Variants in ZNF236 observed in about 807,000 individuals in gnomAD.
The protein encoded by ZNF236 is zinc finger protein 236, also known as regulated by glucose.
Under a neutral mutation model 191.2 loss-of-function variants are expected in ZNF236, and 50 were observed. The ratio of observed to expected loss-of-function variants is 0.26; its 90% CI spans 0.21 to 0.33. The LOEUF is 0.33. Ranked by LOEUF, ZNF236 falls within the 10% of genes least tolerant of loss-of-function variation. The probability of loss-of-function intolerance (pLI) is 1.00; values close to 1 mark genes in which losing one functional copy is unlikely to be tolerated. For synonymous variants in ZNF236, 907 were observed against 928.8 expected (o/e 0.98, Z 0.43); for missense variants, 1,754 against 2,374.5 (o/e 0.74, Z 5.43).
At chr18:76,910,028 C>T (rs368465578) in intron 14 of ZNF236, 40 bp from the exon 15 acceptor site, 18 of 1,501,886 alleles carry the variant, frequency 1.2e-5, no homozygotes, top group Non-Finnish European at 1.6e-5. Context: ...GAAATAACTT[C>T]CAAATGTATG....
rs1599376351 is a variant in ZNF236 at position 76,899,190 on chromosome 18, C to A, written c.1862C>A (p.Pro621His). ...GKTNIPVPDIPLQEPILITDL... is the reference protein window; with the variant it reads ...GKTNIPVPDIHLQEPILITDL... ...ACGAATATTCCAGTCCCTGATATTC[C>A]TTTGCAGGAACCAATCCTCATAACT... The change falls in exon 11 of 31, where the codon CCT becomes CAT. Residue 621 changes from proline (P) to histidine (H), a missense_variant. By Grantham distance (77) the Pro-to-His change is moderately conservative. This residue lies in a region of ZNF236 where 641 missense variants were observed against 869.6 expected (regional missense o/e 0.74). Transcript: ENST00000320610. The A allele has an allele frequency of 6.2e-7, 1 of 1,614,050 alleles. No individual in the cohort carries two copies. Among genetic ancestry groups the A allele is most frequent in the Non-Finnish European group, 8.5e-7 (1 of 1,179,936 alleles).
chr18:76,842,872 AT>A (rs2122467665), intron 1 of ZNF236, among the ~76,000 whole-genome samples: 1 of 152,340 alleles, frequency 6.6e-6, no homozygotes, highest in East Asian at 1.9e-4. Flanking sequence ...TTATGAGTAA[AT>A]ACATTTGAAT....
In ZNF236 at chr18:76,868,927, G is replaced by T. The variant is rs983626540; in HGVS notation, c.542+64G>T. On this transcript the variant is annotated intron_variant, in intron 4 of 30. Transcript: ENST00000320610. ...AATATGTTAAAAGCTGGCGCACTTT[G>T]GTACGACCCACTGGAAATATTTGCT... 49 of 1,460,456 alleles carry T rather than the reference G, an allele frequency of 3.4e-5. No individual in the cohort carries two copies. In the African/African-American group the frequency reaches 6.8e-4, roughly 20 times the overall value. 90.5% of individuals were successfully genotyped at this position (1,460,456 alleles called of 1,614,324 possible).
At chr18:76,870,976 T>A (rs1976568469) in intron 4 of ZNF236, among the ~76,000 whole-genome samples, 1 of 151,992 alleles carries the variant, frequency 6.6e-6, no homozygotes, top group Non-Finnish European at 1.5e-5. Flanking sequence ...CAGGGAGACC[T>A]TTTTGGAGGC....
At chr18:76,961,071 A>G (rs1968654902) in intron 30 of ZNF236, among the ~76,000 whole-genome samples, 1 of 152,210 alleles carries the variant, frequency 6.6e-6, no homozygotes, top group South Asian at 2.1e-4. Context: ...TAAGTTCTGT[A>G]GTGGTGATTT....
intron 6 of ZNF236, 35 bp from the exon 7 acceptor site, chr18:76,877,974 G>A (rs1599356941): frequency 6.7e-7 from 1 of 1,481,742 alleles, no homozygotes; most frequent in South Asian, 1.3e-5. Context: ...ACAATTAATT[G>A]TAAAACATCA....
chr18:76,946,144 C>A (rs943673397), intron 26 of ZNF236, among the ~76,000 whole-genome samples: 1 of 152,160 alleles, frequency 6.6e-6, no homozygotes, highest in Admixed American at 6.5e-5. Context: ...TGGGAGAAAC[C>A]TGGTGGGAGG....
At chr18:76,924,452 T>C (rs890791768) in intron 21 of ZNF236, among the ~76,000 whole-genome samples, 2 of 152,164 alleles carry the variant, frequency 1.3e-5, no homozygotes, top group Non-Finnish European at 2.9e-5. Flanking sequence ...CAGGGCGGCG[T>C]TGGGATAGCA....
In ZNF236 at chr18:76,914,457, A is replaced by G. The variant is rs1305302557; in HGVS notation, c.3061+559A>G. On this transcript the variant is annotated intron_variant, in intron 18 of 30. Coordinates refer to ENST00000320610, the MANE Select transcript of ZNF236 (RefSeq NM_001306089.2). ...GAGTGGAATTGTTTGGTCATATGTT[A>G]ACTCTGTTAAAACATTTGTTTTCCA... Among the ~76,000 whole-genome samples, 3 of 152,172 alleles carry G rather than the reference A, an allele frequency of 2.0e-5. No homozygotes were observed. In the East Asian group the frequency reaches 5.8e-4, roughly 29 times the overall value.
chr18:76,908,641 C>T, intron 14 of ZNF236, 68 bp downstream of exon 14: 1 of 1,540,336 alleles, frequency 6.5e-7, no homozygotes, highest in South Asian at 1.2e-5. Context: ...CCACTCATTG[C>T]AGTCCATTGG....
chr18:76,832,261 A>G (rs1354262014), intron 1 of ZNF236, among the ~76,000 whole-genome samples: 1 of 151,994 alleles, frequency 6.6e-6, no homozygotes, highest in African/African-American at 2.4e-5. Flanking sequence ...TTGTATTTTC[A>G]GTAGGGATGG....
intron 25 of ZNF236, among the ~76,000 whole-genome samples, chr18:76,930,475 A>G (rs1967816444): frequency 6.6e-6 from 1 of 152,210 alleles, no homozygotes; most frequent in Non-Finnish European, 1.5e-5. Context: ...ATTCATTTCT[A>G]GTTGCCATAC....
chr18:76,960,660 T>A lies in ZNF236; in HGVS notation c.5243-19T>A. On this transcript the variant is annotated intron_variant, in intron 29 of 30. Coordinates refer to ENST00000320610, the MANE Select transcript of ZNF236 (RefSeq NM_001306089.2). This position sits in a 1 kb window ranked among gnomAD's most constrained non-coding sequence, Gnocchi z 4.4. ...TATACTTTTCTTAGAGACATTGACATATGCCATTTTCTGTACAGGGGAGCG... is the reference window on the plus strand; with the variant it reads ...TATACTTTTCTTAGAGACATTGACAAATGCCATTTTCTGTACAGGGGAGCG... 1 of 1,614,132 alleles carries A rather than the reference T, an allele frequency of 6.2e-7. No individual in the cohort carries two copies.
intron 27 of ZNF236, among the ~76,000 whole-genome samples, chr18:76,955,698 C>T (rs750169134): frequency 6.6e-6 from 1 of 152,180 alleles, no homozygotes; most frequent in Non-Finnish European, 1.5e-5. Context: ...CAGAGTAGCC[C>T]GGATAGTCAC....
Position 76,925,627 on chromosome 18 carries a change from C to T in ZNF236, c.4027+73C>T, listed in dbSNP as rs1019485240. ...TCTGTGCTGCTTCTGTCTGTTCCCA[C>T]GACAGAAGAGATGTTGTTTACCGTA... On this transcript the variant is annotated intron_variant, in intron 22 of 30. Transcript: ENST00000320610. This position sits in a 1 kb window ranked among gnomAD's most constrained non-coding sequence, Gnocchi z 5.7. 7.7e-5 allele frequency: 118 copies of T among 1,526,466 alleles called. No homozygotes were observed. Among genetic ancestry groups the T allele is most frequent in the Middle Eastern group, 1.7e-4 (1 of 5,732 alleles). 94.6% of individuals were successfully genotyped at this position (1,526,466 alleles called of 1,614,324 possible).
chr18:76,964,553 G>A (rs145823721), intron 30 of ZNF236, among the ~76,000 whole-genome samples: 1 of 152,306 alleles, frequency 6.6e-6, no homozygotes, highest in Non-Finnish European at 1.5e-5. Context: ...TGGATGGAAT[G>A]TTAGGTATAT....
At chr18:76,848,974 T>C (rs1213292651) in intron 1 of ZNF236, among the ~76,000 whole-genome samples, 2 of 152,246 alleles carry the variant, frequency 1.3e-5, no homozygotes, top group Non-Finnish European at 2.9e-5. Context: ...TCTTTTTTAC[T>C]TAATCTTGTT....
intron 9 of ZNF236, among the ~76,000 whole-genome samples, chr18:76,889,121 A>G (rs1182684331): frequency 6.6e-6 from 1 of 152,138 alleles, no homozygotes; most frequent in East Asian, 1.9e-4. Flanking sequence ...TCTGGGACTC[A>G]CCTTCACACC....
intron 27 of ZNF236, among the ~76,000 whole-genome samples, chr18:76,953,829 C>T (rs933762501): frequency 8.5e-5 from 13 of 152,174 alleles, no homozygotes; most frequent in African/African-American, 2.2e-4. Context: ...ATGTTGGATC[C>T]GCGCCCGTTC....
Sources: allele counts gnomAD v4.1 joint callset (sites outside exome capture counted in the v4.1 genomes callset), GRCh38; gene constraint gnomAD v4.1.1; regional missense constraint gnomAD v4.1.1; non-coding constraint Gnocchi (gnomAD v3.1); transcripts MANE v1.5; gene names NCBI Gene and HGNC (gene_info 2026-07-23, HGNC 2026-07-21).